The following GKAP1 variants were observed in gnomAD, a reference collection of about 807,000 sequenced individuals.
GKAP1 encodes the protein G kinase anchoring protein 1, also known as G kinase-anchoring protein 1.
A neutral mutation model predicts 56.7 loss-of-function variants in GKAP1; 31 were observed. That is an observed-to-expected ratio of 0.55 (90% CI 0.41 to 0.74). The LOEUF (loss-of-function observed/expected upper bound fraction) is 0.74, where lower values mean the gene tolerates loss of function less well. GKAP1 is among the 30% of genes least tolerant of loss of function. GKAP1 has a pLI of 0.00. For synonymous variants in GKAP1, 151 were observed against 138.6 expected (o/e 1.09, Z -0.63); for missense variants, 364 against 402.3 (o/e 0.90, Z 0.82).
intron 4 of GKAP1, among the ~76,000 whole-genome samples, chr9:83,794,945 C>T (rs1200454143): frequency 6.6e-6 from 1 of 151,838 alleles, no homozygotes; most frequent in Non-Finnish European, 1.5e-5. Context: ...CATCTGAGGT[C>T]AGGAGTTCGA....
chr9:83,810,867 G>C (rs966583192), intron 2 of GKAP1, among the ~76,000 whole-genome samples: 2 of 152,206 alleles, frequency 1.3e-5, no homozygotes, highest in Admixed American at 1.3e-4. Context: ...GTATCACACA[G>C]TTTACTTACA....
intron 5 of GKAP1, among the ~76,000 whole-genome samples, chr9:83,787,461 C>T (rs930261980): frequency 6.6e-6 from 1 of 152,174 alleles, no homozygotes; most frequent in African/African-American, 2.4e-5. Flanking sequence ...TAGTCTCAAA[C>T]TCCTGGCCTC....
chr9:83,763,908 G>A (rs142294242), intron 8 of GKAP1, among the ~76,000 whole-genome samples: 69 of 151,930 alleles, frequency 4.5e-4, no homozygotes, highest in Middle Eastern at 3.4e-3. Flanking sequence ...CTATCACTTC[G>A]GTTTAAATCA....
intron 3 of GKAP1, among the ~76,000 whole-genome samples, chr9:83,805,215 A>G (rs1287197699): frequency 6.6e-6 from 1 of 152,192 alleles, no homozygotes; most frequent in African/African-American, 2.4e-5. Flanking sequence ...CTCAGGGTTA[A>G]ATGGATTAAG....
At chr9:83,761,301 A>T (rs1943566324) in intron 8 of GKAP1, among the ~76,000 whole-genome samples, 1 of 152,256 alleles carries the variant, frequency 6.6e-6, no homozygotes, top group East Asian at 1.9e-4. Context: ...GAGCAACTAT[A>T]TGCCAATAAA....
intron 4 of GKAP1, 81 bp from the exon 5 acceptor site, chr9:83,788,759 AG>A: frequency 4.0e-6 from 3 of 749,088 alleles, no homozygotes; most frequent in East Asian, 5.4e-5. Flanking sequence ...TACTATATAC[AG>A]AGGAAAAGAA....
chr9:83,773,396 T>C (rs1182888292), intron 7 of GKAP1, among the ~76,000 whole-genome samples: 1 of 152,160 alleles, frequency 6.6e-6, no homozygotes, highest in East Asian at 1.9e-4. Context: ...CAAATGGCTA[T>C]GAGGGAATTT....
At chr9:83,794,045 G>C (rs1944205257) in intron 4 of GKAP1, among the ~76,000 whole-genome samples, 1 of 152,122 alleles carries the variant, frequency 6.6e-6, no homozygotes, top group Non-Finnish European at 1.5e-5. Flanking sequence ...GAGTGTGCCT[G>C]TAGTCCCAGC....
At chr9:83,795,028 T>C (rs1440464201) in intron 4 of GKAP1, among the ~76,000 whole-genome samples, 1 of 151,938 alleles carries the variant, frequency 6.6e-6, no homozygotes, top group Non-Finnish European at 1.5e-5. Flanking sequence ...TGGTGGCACA[T>C]GCCTGTAATC....
rs1218169553 is a variant in GKAP1 at position 83,760,280 on chromosome 9, A to G, written c.739-6921T>C. On this transcript the variant is annotated intron_variant, in intron 8 of 12. Coordinates refer to ENST00000376371, the MANE Select transcript of GKAP1 (RefSeq NM_025211.4). ...ACTATAAGAAACAAAGAAGGTCACTATAAAATGATAAAGGAGTCAGTTCAG... is the reference window on the plus strand; with the variant it reads ...ACTATAAGAAACAAAGAAGGTCACTGTAAAATGATAAAGGAGTCAGTTCAG... 2.0e-5 allele frequency among the ~76,000 whole-genome samples: 3 copies of G among 152,228 alleles called. No homozygotes were observed. The East Asian group carries it at 5.8e-4, about 29-fold the overall frequency.
At chr9:83,807,018 A>C (rs779857659) in intron 2 of GKAP1, among the ~76,000 whole-genome samples, 10 of 152,244 alleles carry the variant, frequency 6.6e-5, no homozygotes, top group Non-Finnish European at 1.2e-4. Context: ...CATATATAAA[A>C]TACTACCATA....
At position 83,739,749 on chromosome 9, in the gene GKAP1, A is replaced by T. The variant is rs1158426819; in HGVS notation, c.1054-5T>A. ...TCTTTTCCCTTTTCTGCCACCCTGT[A>T]AAAAAAAAAAAAAATAGGGAAAATT... On this transcript the variant is annotated splice_polypyrimidine_tract_variant and splice_region_variant and intron_variant, in intron 12 of 12. Coordinates refer to ENST00000376371, the MANE Select transcript of GKAP1 (RefSeq NM_025211.4). The T allele has an allele frequency of 1.9e-5, 4 of 213,844 alleles. No homozygotes were observed. The highest frequency in any genetic ancestry group is 3.4e-5 in the Non-Finnish European group (4 of 118,396). 13.2% of individuals were successfully genotyped at this position (213,844 alleles called of 1,614,324 possible).
intron 7 of GKAP1, among the ~76,000 whole-genome samples, chr9:83,773,885 C>A (rs1273265185): frequency 1.3e-5 from 2 of 152,248 alleles, no homozygotes; most frequent in South Asian, 2.1e-4. Flanking sequence ...CTTTCACATG[C>A]AGCTATAAAA....
chr9:83,803,967 C>T (rs1369132054), intron 3 of GKAP1, among the ~76,000 whole-genome samples: 8 of 148,940 alleles, frequency 5.4e-5, no homozygotes, highest in African/African-American at 1.5e-4. Context: ...AGGTGAGGAG[C>T]GTCTCTGCCC....
intron 10 of GKAP1, among the ~76,000 whole-genome samples, chr9:83,746,651 G>A (rs1481582898): frequency 6.6e-6 from 1 of 151,774 alleles, no homozygotes; most frequent in Non-Finnish European, 1.5e-5. Flanking sequence ...TGCAGTGAGC[G>A]CCACCACACT....
intron 3 of GKAP1, among the ~76,000 whole-genome samples, chr9:83,801,637 C>T (rs1412554768): frequency 1.3e-5 from 2 of 152,186 alleles, no homozygotes; most frequent in African/African-American, 4.8e-5. Flanking sequence ...CTACTGTTTG[C>T]TTTACAGAAA....
At chr9:83,812,576 G>C (rs1419773647) in intron 2 of GKAP1, among the ~76,000 whole-genome samples, 3 of 150,642 alleles carry the variant, frequency 2.0e-5, no homozygotes, top group Admixed American at 1.3e-4. Flanking sequence ...CTAGGCTCAA[G>C]CAATCCTCCT....
intron 2 of GKAP1, among the ~76,000 whole-genome samples, chr9:83,815,574 AC>A (rs1166873660): frequency 1.2e-4 from 13 of 106,726 alleles, no homozygotes; most frequent in African/African-American, 3.7e-4. Context: ...ACTTCAGAAA[AC>A]ACACACACAC....
At chr9:83,816,455 A>C (rs1170776119) in intron 2 of GKAP1, among the ~76,000 whole-genome samples, 1 of 152,226 alleles carries the variant, frequency 6.6e-6, no homozygotes, top group Non-Finnish European at 1.5e-5. Context: ...TTTTCACACA[A>C]GGTTCTTTTG....
Sources: gnomAD v4.1 joint callset for allele counts (sites outside exome capture counted in the v4.1 genomes callset) on GRCh38, gnomAD v4.1.1 for gene constraint, MANE v1.5 for transcripts, NCBI Gene and HGNC (gene_info 2026-07-23, HGNC 2026-07-21) for gene names.